Variants in AGBL1 observed in about 807,000 individuals in gnomAD.
AGBL1 encodes the protein AGBL carboxypeptidase 1.
A neutral mutation model predicts 118.9 loss-of-function variants in AGBL1; 130 were observed. The ratio of observed to expected loss-of-function variants is 1.09; its 90% CI spans 0.95 to 1.26. The LOEUF (loss-of-function observed/expected upper bound fraction) is 1.26. Among genes scored for constraint, AGBL1 ranks in the 50% most tolerant of loss-of-function variants. The pLI is 0.00. For synonymous variants in AGBL1, 555 were observed against 478.9 expected (o/e 1.16, Z -2.08); for missense variants, 1,584 against 1,298.1 (o/e 1.22, Z -3.38).
At chr15:86,271,762 T>A in intron 15 of AGBL1, 56 bp downstream of exon 15, 1 of 1,469,762 alleles carries the variant, frequency 6.8e-7, no homozygotes, top group Non-Finnish European at 9.5e-7. Flanking sequence ...TCTCTCAATT[T>A]CCCACTTTTC....
chr15:86,669,394 TAAG>T (rs2085702300), intron 21 of AGBL1, among the ~76,000 whole-genome samples: 6 of 151,330 alleles, frequency 4.0e-5, no homozygotes, highest in Admixed American at 2.6e-4. Context: ...AAATAGAAAA[TAAG>T]AAAGTAAGGT....
At chr15:86,144,176 C>A (rs1298575846) in intron 3 of AGBL1, among the ~76,000 whole-genome samples, 3 of 152,128 alleles carry the variant, frequency 2.0e-5, no homozygotes, top group South Asian at 2.1e-4. Flanking sequence ...AAAGTTGCAT[C>A]ACAAGGTTGT....
chr15:86,158,846 T>C, intron 4 of AGBL1, 87 bp from the exon 5 acceptor site: 1 of 1,185,928 alleles, frequency 8.4e-7, no homozygotes, highest in South Asian at 1.2e-5. Context: ...AGTTGCCCCT[T>C]AAAGATTTAA....
chr15:86,159,036 G>C lies in AGBL1; in HGVS notation c.488+10G>C, dbSNP rs1285117590. On this transcript the variant is annotated intron_variant, in intron 5 of 22. Transcript: ENST00000614907. ...GCACCCAAGCAATCAGGTACAGAGT[G>C]CCATGTAATACTTCTGCCCCTTTTG... is the stretch of plus-strand genomic sequence containing the variant. 6.2e-7 allele frequency: 1 copy of C among 1,611,342 alleles called. No homozygotes were observed. The highest frequency in any genetic ancestry group is 1.3e-5 in the African/African-American group (1 of 74,844).
intron 18 of AGBL1, among the ~76,000 whole-genome samples, chr15:86,474,567 A>G (rs1299152703): frequency 1.3e-5 from 2 of 152,194 alleles, no homozygotes; most frequent in African/African-American, 2.4e-5. Context: ...TAGGTAAACA[A>G]AGCTGCCAGG....
chr15:86,803,490 A>G (rs2078677816), intron 22 of AGBL1, among the ~76,000 whole-genome samples: 2 of 152,164 alleles, frequency 1.3e-5, no homozygotes, highest in South Asian at 2.1e-4. Context: ...ACAGACTAGT[A>G]CAAACACTAA....
chr15:86,130,313 CTT>C (rs936853076), intron 1 of AGBL1, among the ~76,000 whole-genome samples: 1 of 151,232 alleles, frequency 6.6e-6, no homozygotes, highest in Non-Finnish European at 1.5e-5. Flanking sequence ...AAGTTGGCTT[CTT>C]TTTTTTTAAA....
chr15:86,478,808 C>T (rs1399675205), intron 18 of AGBL1, among the ~76,000 whole-genome samples: 1 of 152,178 alleles, frequency 6.6e-6, no homozygotes, highest in Non-Finnish European at 1.5e-5. Context: ...AAGCTGGAGG[C>T]ATCTCACTAC....
At chr15:86,363,827 C>T (rs971039900) in intron 17 of AGBL1, among the ~76,000 whole-genome samples, 8 of 152,082 alleles carry the variant, frequency 5.3e-5, no homozygotes, top group Admixed American at 2.6e-4. Flanking sequence ...GTTGATAACC[C>T]TCCCCCTGCC....
intron 22 of AGBL1, among the ~76,000 whole-genome samples, chr15:86,885,256 T>C (rs2079953991): frequency 1.3e-5 from 2 of 152,152 alleles, no homozygotes; most frequent in African/African-American, 4.8e-5. Flanking sequence ...TTTTATAATA[T>C]TGTATGTGGC....
intron 23 of AGBL1, among the ~76,000 whole-genome samples, chr15:86,936,117 G>A (rs765235342): frequency 6.6e-6 from 1 of 152,200 alleles, no homozygotes; most frequent in Non-Finnish European, 1.5e-5. Context: ...CAGGCCCTGG[G>A]GTTCTGCAGT....
chr15:86,174,510 G>A (rs1294254000), intron 5 of AGBL1, among the ~76,000 whole-genome samples: 1 of 152,100 alleles, frequency 6.6e-6, no homozygotes, highest in Non-Finnish European at 1.5e-5. Context: ...GTGATAGTGG[G>A]CATTGTTGTC....
rs941514627 is a variant in AGBL1, at chr15:86,906,214, G to A, written c.3159-873G>A. On this transcript the variant is annotated intron_variant, in intron 22 of 22. Transcript: ENST00000614907. ...ATCCTAATTGGTTAAGTCCTAAGTAGGGAGTGATTAGAAAGTCTTCAGGAA... is the reference window on the plus strand; with the variant it reads ...ATCCTAATTGGTTAAGTCCTAAGTAAGGAGTGATTAGAAAGTCTTCAGGAA... 2.6e-5 allele frequency among the ~76,000 whole-genome samples: 4 copies of A among 152,216 alleles called. 1 individual carries two copies. Among genetic ancestry groups the A allele is most frequent in the African/African-American group, 9.6e-5 (4 of 41,458 alleles).
intron 17 of AGBL1, among the ~76,000 whole-genome samples, chr15:86,361,202 T>A (rs939487176): frequency 2.0e-5 from 3 of 152,010 alleles, no homozygotes; most frequent in African/African-American, 7.2e-5. Context: ...ATTTTAAAAA[T>A]TTTTTTGGCC....
intron 22 of AGBL1, among the ~76,000 whole-genome samples, chr15:86,814,277 A>G (rs1346888453): frequency 2.0e-5 from 3 of 152,128 alleles, no homozygotes; most frequent in African/African-American, 7.2e-5. Flanking sequence ...TAATCTAACT[A>G]ATGCCTGATG....
chr15:86,410,141 A>C (rs533000694), intron 18 of AGBL1, among the ~76,000 whole-genome samples: 16 of 152,258 alleles, frequency 1.1e-4, no homozygotes, highest in African/African-American at 2.9e-4. Flanking sequence ...AAATACATGA[A>C]AGCCTATAAT....
chr15:86,507,188 G>A (rs1289779253), intron 18 of AGBL1, among the ~76,000 whole-genome samples: 1 of 152,018 alleles, frequency 6.6e-6, no homozygotes, highest in East Asian at 1.9e-4. Context: ...ACTTTAAAAT[G>A]TTAATGCCAT....
chr15:87,006,269 A>G (rs887576406), intron 24 of AGBL1, among the ~76,000 whole-genome samples: 11 of 152,152 alleles, frequency 7.2e-5, no homozygotes, highest in African/African-American at 2.2e-4. Flanking sequence ...CCTTTTGTTT[A>G]GCTATGCCCT....
intron 18 of AGBL1, among the ~76,000 whole-genome samples, chr15:86,510,835 G>A (rs765865982): frequency 6.6e-6 from 1 of 152,090 alleles, no homozygotes; most frequent in African/African-American, 2.4e-5. Flanking sequence ...TATTCTGACA[G>A]CAGTAGAATG....
Sources: allele counts gnomAD v4.1 joint callset (sites outside exome capture counted in the v4.1 genomes callset), GRCh38; gene constraint gnomAD v4.1.1; transcripts MANE v1.5; gene names NCBI Gene and HGNC (gene_info 2026-07-23, HGNC 2026-07-21).